PCDHA7: variants seen among roughly 807,000 people sequenced by gnomAD.
PCDHA7 encodes the protein protocadherin alpha-7.
In PCDHA7, 37 loss-of-function variants were observed where a neutral mutation model predicts 57.2. That is an observed-to-expected ratio of 0.65 (90% CI 0.50 to 0.85). PCDHA7 has a LOEUF of 0.85. Ranked by LOEUF, PCDHA7 falls within the 40% of genes least tolerant of loss-of-function variation. The probability of loss-of-function intolerance (pLI) is 0.00; values close to 1 mark genes in which losing one functional copy is unlikely to be tolerated. For synonymous variants in PCDHA7, 553 were observed against 558.8 expected, an observed-to-expected ratio of 0.99 and a Z score of 0.15; for missense variants, 1,188 against 1,241.8, an observed-to-expected ratio of 0.96 and a Z score of 0.65.
At chr5:140,982,253 A>T (rs1209317234) in intron 2 of PCDHA7, 1 of 777,640 alleles carries the variant, frequency 1.3e-6, no homozygotes, top group African/African-American at 1.8e-5. Flanking sequence ...AAGATAGAAC[A>T]TGTGTGTTCC....
At chr5:140,900,807 A>G (rs868976984) in intron 1 of PCDHA7, among the ~76,000 whole-genome samples, 1 of 152,176 alleles carries the variant, frequency 6.6e-6, no homozygotes, top group South Asian at 2.1e-4. Flanking sequence ...TAGTGCTTGT[A>G]CTAATTTACA....
chr5:140,858,914 A>C, intron 1 of PCDHA7: 1 of 181,616 alleles, frequency 5.5e-6, no homozygotes, highest in Non-Finnish European at 1.1e-5. Flanking sequence ...CACAGCTTAT[A>C]CTGCCATAGT....
At chr5:140,972,660 A>ATTTTTT (rs11350929) in intron 1 of PCDHA7, among the ~76,000 whole-genome samples, 2 of 117,268 alleles carry the variant, frequency 1.7e-5, no homozygotes, top group African/African-American at 3.3e-5. Context: ...AAGAAACCAA[A>ATTTTTT]TTTTTTTTTT....
chr5:140,987,336 A>G (rs2097249605), intron 3 of PCDHA7, among the ~76,000 whole-genome samples: 1 of 152,200 alleles, frequency 6.6e-6, no homozygotes, highest in Admixed American at 6.5e-5. Context: ...GAACTGGTCT[A>G]AGGTAAATAT....
chr5:140,871,253 A>G (rs1372338399), intron 1 of PCDHA7: 1 of 1,613,856 alleles, frequency 6.2e-7, no homozygotes, highest in Non-Finnish European at 8.5e-7. Context: ...CTGCTGCTGT[A>G]TACGGCGCTG....
chr5:140,926,495 T>G (rs1033428952), intron 1 of PCDHA7: 3 of 181,806 alleles, frequency 1.7e-5, no homozygotes, highest in Non-Finnish European at 3.4e-5. Flanking sequence ...TGTTAGTGTC[T>G]CGGGGCGTCT....
At chr5:140,914,710 G>GT (rs1554196543) in intron 1 of PCDHA7, among the ~76,000 whole-genome samples, 1 of 151,256 alleles carries the variant, frequency 6.6e-6, no homozygotes, top group Non-Finnish European at 1.5e-5. Context: ...TTAATTTCTT[G>GT]TTTTTTATTT....
intron 1 of PCDHA7, chr5:140,864,242 T>C (rs978090917): frequency 6.6e-6 from 1 of 152,208 alleles, no homozygotes; most frequent in Non-Finnish European, 1.5e-5. Flanking sequence ...TTATTCCTAT[T>C]CATTTTCTTA....
intron 1 of PCDHA7, chr5:140,858,495 G>A (rs2045450784): frequency 6.7e-7 from 1 of 1,481,628 alleles, no homozygotes; most frequent in East Asian, 2.5e-5. Flanking sequence ...TTCTCTTACC[G>A]CATTTTCTCA....
intron 1 of PCDHA7, chr5:140,967,338 A>G: frequency 3.7e-6 from 6 of 1,607,948 alleles, no homozygotes; most frequent in Non-Finnish European, 4.3e-6. Flanking sequence ...AGCCCCAGCG[A>G]GCACTTCGAG....
intron 1 of PCDHA7, chr5:140,928,467 A>G (rs782319281): frequency 6.2e-7 from 1 of 1,614,142 alleles, no homozygotes; most frequent in South Asian, 1.1e-5. Flanking sequence ...ATTTCCAAGT[A>G]GAAGGCCGGG....
chr5:140,861,768 T>TACCA (rs3834243), intron 1 of PCDHA7: 106,057 of 158,892 alleles, frequency 0.67, 35,632 homozygotes, highest in African/African-American at 0.71. Flanking sequence ...TCCCTGGAAA[T>TACCA]ACCAAGAGCA....
intron 1 of PCDHA7, chr5:140,876,086 C>T (rs371336139): frequency 2.5e-6 from 4 of 1,613,778 alleles, no homozygotes; most frequent in East Asian, 2.2e-5. Flanking sequence ...AGAGAGCAAA[C>T]GCCAAAACTC....
In PCDHA7 at chr5:140,834,543, C is replaced by A. The variant is rs1580783721; in HGVS notation, c.160C>A (p.Leu54Met). Reference sequence around the variant, plus strand: ...GGGCCGCATCGCGCAGGACCTGGGGCTGGAGCTGGCGGAGCTGGTGCCGCG... The same window carrying A: ...GGGCCGCATCGCGCAGGACCTGGGGATGGAGCTGGCGGAGCTGGTGCCGCG... The part of the protein sequence containing the change: ...FVGRIAQDLG[L>M]ELAELVPRLF... The change falls in exon 1 of 4, where the codon CTG becomes ATG. Residue 54 changes from leucine to methionine, a missense_variant. By Grantham distance (15) the Leu-to-Met change is conservative (BLOSUM62 2). Coordinates refer to ENST00000525929, the MANE Select transcript of PCDHA7 (RefSeq NM_018910.3). The A allele has an allele frequency of 1.2e-6, 2 of 1,614,086 alleles. No homozygotes were observed. Among genetic ancestry groups the A allele is most frequent in the Non-Finnish European group, 1.7e-6 (2 of 1,180,034 alleles).
chr5:140,859,508 T>G (rs1298997050), intron 1 of PCDHA7: 1 of 197,594 alleles, frequency 5.1e-6, no homozygotes, highest in Non-Finnish European at 1.0e-5. Context: ...CTGATACCCA[T>G]GATTTCATTT....
chr5:140,991,244 G>A (rs535469323), intron 3 of PCDHA7, among the ~76,000 whole-genome samples: 2 of 152,278 alleles, frequency 1.3e-5, no homozygotes, highest in South Asian at 4.1e-4. Flanking sequence ...GGTAAAGGCA[G>A]TATTTGAACT....
chr5:140,984,340 T>C (rs1224859959), intron 3 of PCDHA7, among the ~76,000 whole-genome samples: 1 of 152,242 alleles, frequency 6.6e-6, no homozygotes, highest in African/African-American at 2.4e-5. Flanking sequence ...ATAGGAACCA[T>C]GTATTGATAT....
intron 1 of PCDHA7, among the ~76,000 whole-genome samples, chr5:140,838,613 A>AT (rs1775803010): frequency 2.0e-5 from 3 of 152,150 alleles, no homozygotes; most frequent in Non-Finnish European, 4.4e-5. Flanking sequence ...ACTTTTAAAA[A>AT]TTTTTTACAA....
intron 1 of PCDHA7, among the ~76,000 whole-genome samples, chr5:140,904,904 C>A (rs1463349424): frequency 6.6e-6 from 1 of 151,948 alleles, no homozygotes; most frequent in Non-Finnish European, 1.5e-5. Context: ...GTTTTTCTTA[C>A]TGATTTGTTT....
Sources: gnomAD v4.1 joint callset for allele counts (sites outside exome capture counted in the v4.1 genomes callset) on GRCh38, gnomAD v4.1.1 for gene constraint, MANE v1.5 for transcripts, NCBI Gene and HGNC (gene_info 2026-07-23, HGNC 2026-07-21) for gene names.